CSRNP3: variants seen among roughly 807,000 people sequenced by gnomAD.
CSRNP3 encodes cysteine/serine-rich nuclear protein 3.
A neutral mutation model predicts 48.0 loss-of-function variants in CSRNP3; 12 were observed. That is an observed-to-expected ratio of 0.25 (90% CI 0.16 to 0.41). CSRNP3 has a LOEUF of 0.41. CSRNP3 is among the 10% of genes least tolerant of loss of function. The pLI, the probability that CSRNP3 is intolerant of heterozygous loss-of-function variation, is 1.00. For missense variants in CSRNP3, 580 were observed against 724.4 expected (o/e 0.80, Z 2.29); for synonymous variants, 263 against 269.7 (o/e 0.98, Z 0.24).
intron 3 of CSRNP3, among the ~76,000 whole-genome samples, chr2:165,559,070 T>C (rs1432721110): frequency 2.0e-5 from 3 of 152,010 alleles, no homozygotes; most frequent in African/African-American, 7.2e-5. Flanking sequence ...TGTCAGAGAC[T>C]ACTGAGAGAG....
chr2:165,579,356 G>A (rs1004227296), intron 3 of CSRNP3, among the ~76,000 whole-genome samples: 9 of 152,118 alleles, frequency 5.9e-5, no homozygotes, highest in African/African-American at 2.2e-4. Context: ...CTAGAAGTAC[G>A]GTCTCCACAA....
chr2:165,674,978 C>T (rs894675569), intron 5 of CSRNP3, among the ~76,000 whole-genome samples: 1 of 151,772 alleles, frequency 6.6e-6, no homozygotes, highest in African/African-American at 2.4e-5. Context: ...CTCCCAAAGT[C>T]CTGGGATTAC....
chr2:165,615,902 T>G (rs948183355), intron 4 of CSRNP3, among the ~76,000 whole-genome samples: 2 of 148,496 alleles, frequency 1.3e-5, no homozygotes, highest in Admixed American at 6.7e-5. Flanking sequence ...TTTTTTTTTT[T>G]TTTTTTTTTT....
intron 2 of CSRNP3, among the ~76,000 whole-genome samples, chr2:165,496,089 T>G (rs1343808081): frequency 6.6e-6 from 1 of 152,068 alleles, no homozygotes; most frequent in Non-Finnish European, 1.5e-5. Flanking sequence ...ATTCAAAATT[T>G]TATTTGGTAT....
At chr2:165,555,834 G>C (rs1685154543) in intron 3 of CSRNP3, among the ~76,000 whole-genome samples, 1 of 151,926 alleles carries the variant, frequency 6.6e-6, no homozygotes, top group Admixed American at 6.5e-5. Flanking sequence ...AAGGCATGAG[G>C]TTGCATTTTA....
At chr2:165,513,003 G>A (rs1284729824) in intron 2 of CSRNP3, among the ~76,000 whole-genome samples, 1 of 152,146 alleles carries the variant, frequency 6.6e-6, no homozygotes, top group Non-Finnish European at 1.5e-5. Flanking sequence ...TACTTGAGAG[G>A]CTGAGGCAGG....
chr2:165,569,072 G>T (rs879626776), intron 3 of CSRNP3, among the ~76,000 whole-genome samples: 8 of 151,978 alleles, frequency 5.3e-5, no homozygotes, highest in Non-Finnish European at 1.0e-4. Context: ...TGAGAACAGT[G>T]TATATTTCAT....
At chr2:165,577,109 A>G (rs1685463851) in intron 3 of CSRNP3, among the ~76,000 whole-genome samples, 1 of 151,828 alleles carries the variant, frequency 6.6e-6, no homozygotes, top group Admixed American at 6.6e-5. Context: ...TATTATTGCT[A>G]TATTTGTTCT....
At chr2:165,649,414 C>A (rs1466319912) in intron 4 of CSRNP3, among the ~76,000 whole-genome samples, 1 of 152,108 alleles carries the variant, frequency 6.6e-6, no homozygotes, top group African/African-American at 2.4e-5. Flanking sequence ...GCTACCTAAT[C>A]CTATGTATGA....
chr2:165,567,316 C>T (rs1410794718), intron 3 of CSRNP3, among the ~76,000 whole-genome samples: 2 of 152,010 alleles, frequency 1.3e-5, no homozygotes, highest in Non-Finnish European at 2.9e-5. Context: ...ATTCTTTTCT[C>T]TCGATAAATG....
At chr2:165,615,888 G>GT (rs957235965) in intron 4 of CSRNP3, among the ~76,000 whole-genome samples, 5,001 of 59,236 alleles carry the variant, frequency 0.084, 179 homozygotes, top group Middle Eastern at 0.13. Flanking sequence ...TGTTTGTGGG[G>GT]TTTTTTTTTT....
chr2:165,590,762 T>C (rs1028707494), intron 3 of CSRNP3, among the ~76,000 whole-genome samples: 3 of 152,320 alleles, frequency 2.0e-5, no homozygotes, highest in Middle Eastern at 3.4e-3. Context: ...CTTCCCCTTC[T>C]GCCATAATTG....
chr2:165,526,293 C>T (rs1229435687), intron 3 of CSRNP3, among the ~76,000 whole-genome samples: 2 of 151,940 alleles, frequency 1.3e-5, no homozygotes, highest in African/African-American at 2.4e-5. Flanking sequence ...GAAAATTTAC[C>T]TATGCACATT....
At position 165,681,776 on chromosome 2, in the gene CSRNP3, CAT is replaced by C. The variant is rs201823007; in HGVS notation, c.*2025_*2026del. 806 of 133,102 alleles carry C rather than the reference CAT, an allele frequency of 6.1e-3. 12 individuals carry two copies. Among genetic ancestry groups the C allele is most frequent in the African/African-American group, 0.021 (741 of 35,278 alleles). 8.2% of individuals were successfully genotyped at this position (133,102 alleles called of 1,614,324 possible). ...ATATATATATACACACACACACACACATACACATATATATACACATATATGTA... is the reference window on the plus strand; with the variant it reads ...ATATATATATACACACACACACACACACACATATATATACACATATATGTA... On this transcript the variant is annotated 3_prime_UTR_variant, in exon 7 of 7. Transcript: ENST00000651982.
In CSRNP3 at chr2:165,599,374, T is replaced by TG. The variant is rs202051883; in HGVS notation, c.148+4161_148+4162insG. Among the ~76,000 whole-genome samples the TG allele has an allele frequency of 6.1e-5, 7 of 115,292 alleles. No homozygotes were observed. In the South Asian group the frequency reaches 9.0e-4, roughly 15 times the overall value. The allele number at this position is 115,292 out of a possible 152,430, so 75.6% of individuals were successfully genotyped here. A position where few individuals can be genotyped will look rare whatever the true frequency, so the allele number is the denominator to read the frequency against. On this transcript the variant is annotated intron_variant, in intron 4 of 6. Coordinates refer to ENST00000651982, the MANE Select transcript of CSRNP3 (RefSeq NM_001172173.2). Reference sequence around the variant, plus strand: ...CGAAAGGAAGTAAAGATCTGAGGTTTTTTTGTTTGTTTGTTTTGAGACAGT... The same window carrying TG: ...CGAAAGGAAGTAAAGATCTGAGGTTTGTTTTGTTTGTTTGTTTTGAGACAGT...
At chr2:165,672,893 A>T (rs1289700825) in intron 5 of CSRNP3, among the ~76,000 whole-genome samples, 2 of 152,152 alleles carry the variant, frequency 1.3e-5, no homozygotes, top group Non-Finnish European at 2.9e-5. Context: ...AGGGGATAGC[A>T]GGGAATAGGA....
intron 4 of CSRNP3, among the ~76,000 whole-genome samples, chr2:165,643,497 G>C (rs1451708492): frequency 6.6e-6 from 1 of 152,280 alleles, no homozygotes; most frequent in African/African-American, 2.4e-5. Context: ...GGATCAAGGA[G>C]TACCAACAGA....
At chr2:165,589,927 A>G (rs1685689846) in intron 3 of CSRNP3, among the ~76,000 whole-genome samples, 2 of 152,162 alleles carry the variant, frequency 1.3e-5, no homozygotes, top group South Asian at 4.1e-4. Flanking sequence ...TCCCATTGCA[A>G]TATCTTATTA....
chr2:165,492,328 C>T (rs1038701085), intron 1 of CSRNP3, among the ~76,000 whole-genome samples: 4 of 152,124 alleles, frequency 2.6e-5, no homozygotes, highest in Non-Finnish European at 5.9e-5. Context: ...CCTGTAGTGG[C>T]TTTCATCTCA....
Sources: gnomAD v4.1 joint callset for allele counts (sites outside exome capture counted in the v4.1 genomes callset) on GRCh38, gnomAD v4.1.1 for gene constraint, MANE v1.5 for transcripts, NCBI Gene and HGNC (gene_info 2026-07-23, HGNC 2026-07-21) for gene names.